The following ZRANB2 variants were observed in gnomAD, a reference collection of about 807,000 sequenced individuals.
ZRANB2 encodes zinc finger RANBP2-type containing 2, also known as zinc finger Ran-binding domain-containing protein 2.
ZRANB2 carries 19 observed loss-of-function variants against 53.4 expected under a neutral mutation model. The observed-to-expected ratio is 0.36, with a 90% CI of 0.25 to 0.52. The LOEUF (loss-of-function observed/expected upper bound fraction) is 0.52, where lower values mean the gene tolerates loss of function less well. Ranked by LOEUF, ZRANB2 falls within the 20% of genes least tolerant of loss-of-function variation. ZRANB2 has a pLI of 0.93. For missense variants in ZRANB2, 309 were observed against 401.1 expected (o/e 0.77, Z 1.96); for synonymous variants, 145 against 134.8 (o/e 1.08, Z -0.52).
chr1:71,071,859 T>C (rs1443109026), intron 6 of ZRANB2, among the ~76,000 whole-genome samples: 2 of 152,164 alleles, frequency 1.3e-5, no homozygotes, highest in Admixed American at 6.6e-5. Flanking sequence ...ACGTTACTGC[T>C]ATCAAAATTA....
intron 7 of ZRANB2, among the ~76,000 whole-genome samples, chr1:71,069,852 T>C (rs1445808782): frequency 6.6e-6 from 1 of 152,130 alleles, no homozygotes; most frequent in Non-Finnish European, 1.5e-5. Context: ...AAAGGGAAAA[T>C]GTATAATTCT....
intron 7 of ZRANB2, among the ~76,000 whole-genome samples, chr1:71,070,406 CTA>C (rs1661568273): frequency 6.6e-6 from 1 of 152,076 alleles, no homozygotes. Context: ...TCAAAGCAAA[CTA>C]TTAAAAACAT....
At chr1:71,071,058 A>G (rs1661584464) in intron 6 of ZRANB2, 62 bp from the exon 7 acceptor site, 4 of 1,425,906 alleles carry the variant, frequency 2.8e-6, no homozygotes, top group Non-Finnish European at 3.7e-6. Flanking sequence ...AGGAAAGATA[A>G]AACAGTTAGG....
rs749446252 is a variant in ZRANB2, at chr1:71,069,335, C to A, written c.711G>T (p.Ser237=). The A allele has an allele frequency of 1.2e-6, 2 of 1,612,268 alleles. No individual in the cohort carries two copies. Among genetic ancestry groups the A allele is most frequent in the Non-Finnish European group, 8.5e-7 (1 of 1,179,186 alleles). ...TGGAACTGGAACGAGATCTTGACTGCGAACTGGAAGAACTTCTTGAACGGG... is the reference window on the plus strand; with the variant it reads ...TGGAACTGGAACGAGATCTTGACTGAGAACTGGAAGAACTTCTTGAACGGG... ...SRSRSRSSSS[S]QSRSRSSSRE... is the part of the protein sequence containing the mutation. The change falls in exon 8 of 10, where the codon TCG becomes TCT. Residue 237 remains serine (S), a synonymous_variant. Transcript: ENST00000370920.
chr1:71,078,316 G>T (rs1661756072), intron 3 of ZRANB2, 141 bp downstream of exon 3: 3 of 680,724 alleles, frequency 4.4e-6, no homozygotes, highest in Non-Finnish European at 7.6e-6. Context: ...TATACTTAAA[G>T]ATGAGACTGA....
At chr1:71,078,048 G>A (rs1455001433) in intron 3 of ZRANB2, among the ~76,000 whole-genome samples, 1 of 151,866 alleles carries the variant, frequency 6.6e-6, no homozygotes, top group African/African-American at 2.4e-5. Flanking sequence ...AATTACTTAC[G>A]GCACACAACT....
intron 8 of ZRANB2, chr1:71,067,138 T>C (rs1280614919): frequency 2.3e-6 from 1 of 427,224 alleles, no homozygotes; most frequent in Non-Finnish European, 4.0e-6. Flanking sequence ...TTTTGTCTCT[T>C]TAAAATTCTA....
In ZRANB2 at chr1:71,078,571, A is replaced by AAC. The variant is rs1258757365; in HGVS notation, c.110-8_110-7dup. ...CTTGGCCTCAGTTGTTTTCTCTGAA[A>AAC]ACAGAAAAATCATGCAATATGAACC... On this transcript the variant is annotated splice_region_variant and splice_polypyrimidine_tract_variant and intron_variant, in intron 2 of 9. Transcript: ENST00000370920. The AAC allele has an allele frequency of 6.2e-7, 1 of 1,613,600 alleles. No homozygotes were observed. Among genetic ancestry groups the AAC allele is most frequent in the Non-Finnish European group, 8.5e-7 (1 of 1,179,764 alleles).
At chr1:71,065,812 T>C in intron 9 of ZRANB2, 2 of 1,597,858 alleles carry the variant, frequency 1.3e-6, no homozygotes, top group East Asian at 2.3e-5. Context: ...GGGGATTATA[T>C]GTGGCTAAGA....
At position 71,072,362 on chromosome 1, in the gene ZRANB2, TTGC is replaced by T. The variant is rs539831184; in HGVS notation, c.378+107_379-108del. ...TTTATGATTTCCTGAAAATGATCAG[TTGC>T]TGAAGACTCAAATTGCACTTAAAAA... On this transcript the variant is annotated intron_variant, in intron 5 of 9. Transcript: ENST00000370920. 2.1e-4 allele frequency: 300 copies of T among 1,447,724 alleles called. 3 individuals are homozygous for T. The South Asian group carries it at 2.7e-3, about 13-fold the overall frequency. The allele number at this position is 1,447,724 out of a possible 1,614,324, so 89.7% of individuals were successfully genotyped here.
chr1:71,072,385 TAAAA>T (rs541112752), intron 5 of ZRANB2, 83 bp downstream of exon 5: 273 of 1,465,700 alleles, frequency 1.9e-4, no homozygotes, highest in Middle Eastern at 2.2e-4. Flanking sequence ...AAATTGCACT[TAAAA>T]AAAAGTTTGT....
intron 9 of ZRANB2, chr1:71,066,187 G>A (rs1173500366): frequency 1.9e-5 from 3 of 158,826 alleles, no homozygotes; most frequent in Non-Finnish European, 2.8e-5. Flanking sequence ...GATGACAGTT[G>A]CATTCTTCCA....
At chr1:71,075,165 A>G (rs1661679855) in intron 4 of ZRANB2, among the ~76,000 whole-genome samples, 1 of 152,310 alleles carries the variant, frequency 6.6e-6, no homozygotes, top group East Asian at 1.9e-4. Context: ...TTTTTAAAAA[A>G]GGATTTTAAA....
intron 6 of ZRANB2, 23 bp from the exon 7 acceptor site, chr1:71,071,019 T>A (rs780132224): frequency 1.1e-5 from 17 of 1,519,042 alleles, no homozygotes; most frequent in Non-Finnish European, 1.5e-5. Context: ...CAATTATAAT[T>A]AGACATTTAG....
At chr1:71,065,506 C>A (rs984630486) in intron 9 of ZRANB2, among the ~76,000 whole-genome samples, 4 of 151,986 alleles carry the variant, frequency 2.6e-5, no homozygotes, top group African/African-American at 9.7e-5. Flanking sequence ...ATCCCTGTGA[C>A]ACGGTGTAGA....
rs763384026 is a variant in ZRANB2, at chr1:71,080,952, C to G, written c.44G>C (p.Cys15Ser). ...NFRVSDGDWI[C>S]PDKKCGNVNF... ...TTCTTGAACTCACTTTTTGTCAGGG[C>G]AAATCCAGTCCCCGTCACTGACTCG... The change falls in exon 1 of 10, where the codon TGC becomes TCC. Residue 15 changes from cysteine (C) to serine (S), a missense_variant. By Grantham distance (112) the Cys-to-Ser change is moderately radical. Transcript: ENST00000370920. The G allele has an allele frequency of 6.2e-7, 1 of 1,614,118 alleles. No individual in the cohort carries two copies. Among genetic ancestry groups the G allele is most frequent in the Non-Finnish European group, 8.5e-7 (1 of 1,180,024 alleles).
At chr1:71,072,433 CTAAT>C (rs947760104) in intron 5 of ZRANB2, 35 bp downstream of exon 5, 6 of 1,547,834 alleles carry the variant, frequency 3.9e-6, no homozygotes, top group Non-Finnish European at 4.4e-6. Flanking sequence ...TTCTGTTTTT[CTAAT>C]TTATATTCAA....
intron 8 of ZRANB2, chr1:71,067,544 A>G: frequency 2.8e-6 from 1 of 358,602 alleles, no homozygotes; most frequent in South Asian, 2.1e-5. Context: ...AAGTGTTGAC[A>G]TTCACATGCT....
chr1:71,066,946 G>C lies in ZRANB2; in HGVS notation c.771-12C>G. 9 of 1,547,642 alleles carry C rather than the reference G, an allele frequency of 5.8e-6. No homozygotes were observed. Among genetic ancestry groups the C allele is most frequent in the Non-Finnish European group, 7.8e-6 (9 of 1,148,514 alleles). ...ACCTGGAGCTGGATCTTCATTGATT[G>C]AGAAACAAATCAAACATTTCATTAA... On this transcript the variant is annotated splice_polypyrimidine_tract_variant and intron_variant, in intron 8 of 9. Coordinates refer to ENST00000370920, the MANE Select transcript of ZRANB2 (RefSeq NM_203350.3).
Sources: gnomAD v4.1 joint callset for allele counts (sites outside exome capture counted in the v4.1 genomes callset) on GRCh38, gnomAD v4.1.1 for gene constraint, MANE v1.5 for transcripts, NCBI Gene and HGNC (gene_info 2026-07-23, HGNC 2026-07-21) for gene names.